MBNL2: variants seen among roughly 807,000 people sequenced by gnomAD.
MBNL2 encodes the protein muscleblind like splicing regulator 2, also known as muscleblind-like protein 2.
A neutral mutation model predicts 41.9 loss-of-function variants in MBNL2; 17 were observed. That is an observed-to-expected ratio of 0.41 (90% confidence interval 0.28 to 0.61). The LOEUF (loss-of-function observed/expected upper bound fraction) is 0.61. MBNL2 is among the 20% of genes least tolerant of loss of function. MBNL2 has a pLI of 0.35. For synonymous variants in MBNL2, 195 were observed against 182.9 expected, an observed-to-expected ratio of 1.07 and a Z score of -0.53; for missense variants, 336 against 505.6, an observed-to-expected ratio of 0.66 and a Z score of 3.22.
chr13:97,316,116 T>C (rs1252437892), intron 2 of MBNL2, among the ~76,000 whole-genome samples: 1 of 152,224 alleles, frequency 6.6e-6, no homozygotes, highest in Non-Finnish European at 1.5e-5. Flanking sequence ...TTCCCCCACA[T>C]TTGCTTGAGC....
At chr13:97,187,237 A>T in the MBNL2 span, among the ~76,000 whole-genome samples, 149 of 152,272 alleles carry the variant, frequency 9.8e-4, no homozygotes, top group African/African-American at 3.3e-3. Flanking sequence ...TTTTCTGTTT[A>T]TAAAAGATAG....
intron 3 of MBNL2, among the ~76,000 whole-genome samples, chr13:97,337,784 G>A (rs962852640): frequency 2.0e-5 from 3 of 152,124 alleles, no homozygotes; most frequent in African/African-American, 7.2e-5. Flanking sequence ...TAAAAATTGT[G>A]ACATGTTTAA....
chr13:97,338,112 C>A (rs147758255), intron 3 of MBNL2, among the ~76,000 whole-genome samples: 120 of 152,318 alleles, frequency 7.9e-4, no homozygotes, highest in African/African-American at 2.6e-3. Context: ...CCCCTCCATG[C>A]TTTTCCATCT....
At chr13:97,288,200 A>G (rs560762024) in intron 2 of MBNL2, among the ~76,000 whole-genome samples, 5 of 152,060 alleles carry the variant, frequency 3.3e-5, no homozygotes, top group Admixed American at 1.3e-4. Context: ...CTTTTTTATT[A>G]TATATTACTG....
chr13:97,303,693 G>T (rs577418459), intron 2 of MBNL2, among the ~76,000 whole-genome samples: 3 of 152,210 alleles, frequency 2.0e-5, no homozygotes, highest in Admixed American at 6.5e-5. Flanking sequence ...CAGGGGCTCC[G>T]TCTGACGGGT....
At chr13:97,168,371 G>A in the MBNL2 span, among the ~76,000 whole-genome samples, 5 of 151,908 alleles carry the variant, frequency 3.3e-5, no homozygotes, top group South Asian at 4.2e-4. Context: ...TTTCCCTTGC[G>A]GCTCTCCAAA....
At chr13:97,296,000 A>C (rs2056949683) in intron 2 of MBNL2, among the ~76,000 whole-genome samples, 1 of 152,236 alleles carries the variant, frequency 6.6e-6, no homozygotes, top group South Asian at 2.1e-4. Flanking sequence ...CATAAGAACC[A>C]AAGAACTGTT....
At chr13:97,372,223 G>C (rs1259207831) in intron 8 of MBNL2, among the ~76,000 whole-genome samples, 1 of 152,150 alleles carries the variant, frequency 6.6e-6, no homozygotes, top group Non-Finnish European at 1.5e-5. Flanking sequence ...AACGAAATCA[G>C]ATTATATTCT....
intron 5 of MBNL2, among the ~76,000 whole-genome samples, chr13:97,348,018 T>C (rs1343837162): frequency 6.6e-6 from 1 of 151,944 alleles, no homozygotes; most frequent in Non-Finnish European, 1.5e-5. Flanking sequence ...TCTGTCCCTT[T>C]CCCTGAAGTT....
rs187679673 is a variant in MBNL2 at position 97,251,392 on chromosome 13, G to A, written c.-604-24240G>A. Among the ~76,000 whole-genome samples, 16 of 151,824 alleles carry A rather than the reference G, an allele frequency of 1.1e-4. No individual in the cohort carries two copies. In the East Asian group the frequency reaches 2.3e-3, roughly 22 times the overall value. ...CCCCATAAATAGATACACCTACTAT[G>A]TACCCACAAAAATTAAAAACTAAAG... On this transcript the variant is annotated intron_variant, in intron 1 of 8. Coordinates refer to ENST00000679496, the MANE Select transcript of MBNL2 (RefSeq NM_001382683.1).
chr13:97,267,266 A>G (rs1404923254), intron 1 of MBNL2, among the ~76,000 whole-genome samples: 1 of 152,230 alleles, frequency 6.6e-6, no homozygotes, highest in Non-Finnish European at 1.5e-5. Context: ...TGTGAGCGGC[A>G]AGTTCTTTTA....
intron 3 of MBNL2, among the ~76,000 whole-genome samples, chr13:97,338,111 G>C (rs2061045917): frequency 6.6e-6 from 1 of 152,138 alleles, no homozygotes; most frequent in South Asian, 2.1e-4. Flanking sequence ...GCCCCTCCAT[G>C]CTTTTCCATC....
At chr13:97,341,771 T>G (rs1489192925) in intron 3 of MBNL2, among the ~76,000 whole-genome samples, 1 of 152,240 alleles carries the variant, frequency 6.6e-6, no homozygotes, top group African/African-American at 2.4e-5. Flanking sequence ...TCATAAGAGA[T>G]ATTTTTCTGT....
chr13:97,358,917 C>A (rs1245081668), intron 7 of MBNL2, among the ~76,000 whole-genome samples: 4 of 152,166 alleles, frequency 2.6e-5, no homozygotes, highest in Non-Finnish European at 2.9e-5. Context: ...AAAATCTACA[C>A]TTTGAAATGG....
chr13:97,287,721 C>CTTTTTTTTTTTT (rs768809008), intron 2 of MBNL2, among the ~76,000 whole-genome samples: 3 of 114,938 alleles, frequency 2.6e-5, no homozygotes, highest in African/African-American at 1.4e-4. Flanking sequence ...CTTTTCTTTT[C>CTTTTTTTTTTTT]TTTTTTTTTT....
Position 97,268,767 on chromosome 13 carries a change from A to T in MBNL2, c.-604-6865A>T, listed in dbSNP as rs2050338817. Reference sequence around the variant, plus strand: ...CTGGGGATTCAAAAATAATAGGCAAAGTCTATCAGATACCTGAGGCAAACC... The same window carrying T: ...CTGGGGATTCAAAAATAATAGGCAATGTCTATCAGATACCTGAGGCAAACC... On this transcript the variant is annotated intron_variant, in intron 1 of 8. Transcript: ENST00000679496. This position sits in a 1 kb window ranked among gnomAD's most constrained non-coding sequence, Gnocchi z 4.6. Among the ~76,000 whole-genome samples, 1 of 152,242 alleles carries T rather than the reference A, an allele frequency of 6.6e-6. No individual in the cohort carries two copies.
chr13:97,343,037 G>T lies in MBNL2; in HGVS notation c.361G>T (p.Ala121Ser). The T allele has an allele frequency of 6.2e-7, 1 of 1,612,662 alleles. No individual in the cohort carries two copies. Among genetic ancestry groups the T allele is most frequent in the Non-Finnish European group, 8.5e-7 (1 of 1,178,746 alleles). ...ACAGCCCACTTTCCCTGTAGGTCCC[G>T]CGATAGGGACAAATACGGCTATTAG... ...HPVPTFPVGP[A>S]IGTNTAISFA... is the part of the protein sequence containing the mutation. The change falls in exon 4 of 9, where the codon GCG (alanine) becomes TCG (serine). Residue 121 changes from alanine to serine, a missense_variant. By Grantham distance (99) the Ala-to-Ser change is moderately conservative. Coordinates refer to ENST00000679496, the MANE Select transcript of MBNL2 (RefSeq NM_001382683.1).
chr13:97,254,731 G>A (rs2047201467), intron 1 of MBNL2, among the ~76,000 whole-genome samples: 1 of 151,962 alleles, frequency 6.6e-6, no homozygotes, highest in Non-Finnish European at 1.5e-5. Flanking sequence ...TTCAGCTATA[G>A]CATAAATTTT....
chr13:97,240,850 G>A (rs747678641), intron 1 of MBNL2, among the ~76,000 whole-genome samples: 26 of 152,166 alleles, frequency 1.7e-4, no homozygotes, highest in Non-Finnish European at 3.4e-4. Flanking sequence ...AACGAGCTCC[G>A]TGATAGGCCA....
Sources: gnomAD v4.1 joint callset for allele counts (sites outside exome capture counted in the v4.1 genomes callset) on GRCh38, gnomAD v4.1.1 for gene constraint, Gnocchi (gnomAD v3.1) non-coding constraint, MANE v1.5 for transcripts, NCBI Gene and HGNC (gene_info 2026-07-23, HGNC 2026-07-21) for gene names.